SOX5: variants seen among roughly 807,000 people sequenced by gnomAD.
SOX5 encodes SRY-box transcription factor 5.
In SOX5, 9 loss-of-function variants were observed where a neutral mutation model predicts 92.0. That is an observed-to-expected ratio of 0.10 (90% confidence interval 0.06 to 0.17). The LOEUF (loss-of-function observed/expected upper bound fraction) is 0.17. SOX5 is among the 10% of genes least tolerant of loss of function. SOX5 has a pLI of 1.00. For missense variants in SOX5, 642 were observed against 944.5 expected (o/e 0.68, Z 4.20); for synonymous variants, 344 against 336.3 (o/e 1.02, Z -0.25).
chr12:24,561,189 C>T (rs1954304691), intron 1 of SOX5, among the ~76,000 whole-genome samples: 1 of 152,226 alleles, frequency 6.6e-6, no homozygotes, highest in Admixed American at 6.5e-5. Flanking sequence ...TTGACTGCCA[C>T]CCAGAGTGCC....
chr12:24,460,315 A>G (rs1235733213), intron 1 of SOX5, among the ~76,000 whole-genome samples: 1 of 152,216 alleles, frequency 6.6e-6, no homozygotes, highest in Non-Finnish European at 1.5e-5. Context: ...TGTGTAGAGT[A>G]AATCCTTAAC....
At position 23,586,079 on chromosome 12, in the gene SOX5, C is replaced by T. The variant is rs557752552; in HGVS notation, c.1165-10241G>A. On this transcript the variant is annotated intron_variant, in intron 9 of 14. Coordinates refer to ENST00000451604, the MANE Select transcript of SOX5 (RefSeq NM_006940.6). The stretch of plus-strand genomic sequence containing the variant: ...CATCCCCTTCCTCTGCATGAGGAAG[C>T]GCGCTCTCTCTCTCCCTCCTTTCTT... 3.3e-5 allele frequency among the ~76,000 whole-genome samples: 5 copies of T among 152,172 alleles called. No individual in the cohort carries two copies. In the South Asian group the frequency reaches 1.0e-3, roughly 32 times the overall value.
chr12:24,406,069 G>C (rs1382273824), intron 1 of SOX5, among the ~76,000 whole-genome samples: 1 of 152,128 alleles, frequency 6.6e-6, no homozygotes, highest in Non-Finnish European at 1.5e-5. Context: ...GGACAAGAGA[G>C]CTGGGCTAGG....
intron 4 of SOX5, among the ~76,000 whole-genome samples, chr12:24,054,930 C>T (rs115321452): frequency 2.4e-4 from 37 of 152,078 alleles, no homozygotes; most frequent in Middle Eastern, 3.4e-3. Flanking sequence ...GGGAGTGAGG[C>T]GCGTGGAAAC....
At chr12:23,712,211 C>A (rs2092118844) in intron 6 of SOX5, among the ~76,000 whole-genome samples, 1 of 152,164 alleles carries the variant, frequency 6.6e-6, no homozygotes, top group South Asian at 2.1e-4. Context: ...TGACTGAATT[C>A]ATCAAATATT....
At chr12:24,331,829 G>A (rs1217220792) in intron 2 of SOX5, among the ~76,000 whole-genome samples, 2 of 104,372 alleles carry the variant, frequency 1.9e-5, no homozygotes, top group African/African-American at 8.1e-5. Flanking sequence ...ACCAGCCTGG[G>A]AACAGAGCAA....
At position 23,837,268 on chromosome 12, in the gene SOX5, AT is replaced by A. The variant is rs1303247062; in HGVS notation, c.481+8714del. 8.7e-5 allele frequency among the ~76,000 whole-genome samples: 6 copies of A among 69,258 alleles called. 1 individual carries two copies. The highest frequency in any genetic ancestry group is 2.4e-4 in the African/African-American group (6 of 24,774). The allele number at this position is 69,258 out of a possible 152,430, so 45.4% of individuals were successfully genotyped here. ...ATATATATTTATATTTATATAATATATAATATGTATTTATATTTATATTTAT... is the reference window on the plus strand; with the variant it reads ...ATATATATTTATATTTATATAATATAAATATGTATTTATATTTATATTTAT... On this transcript the variant is annotated intron_variant, in intron 3 of 14. Coordinates refer to ENST00000451604, the MANE Select transcript of SOX5 (RefSeq NM_006940.6).
intron 1 of SOX5, among the ~76,000 whole-genome samples, chr12:23,930,916 G>A (rs1458949145): frequency 2.0e-5 from 3 of 151,654 alleles, no homozygotes; most frequent in African/African-American, 7.3e-5. Flanking sequence ...CACAGAACAG[G>A]ATTAGGACTC....
Position 23,533,307 on chromosome 12 carries a change from C to T in SOX5, c.*912G>A, listed in dbSNP as rs1392305230. The T allele has an allele frequency of 3.1e-6, 1 of 320,146 alleles. No homozygotes were observed. Among genetic ancestry groups the T allele is most frequent in the East Asian group, 9.2e-5 (1 of 10,890 alleles). The allele number at this position is 320,146 out of a possible 1,614,324, so 19.8% of individuals were successfully genotyped here. Reference sequence around the variant, plus strand: ...ATTTTTCTCTAAATTTCTTATGTCTCTCTCTCTCTCTCTCTTTTCACCTGA... The same window carrying T: ...ATTTTTCTCTAAATTTCTTATGTCTTTCTCTCTCTCTCTCTTTTCACCTGA... On this transcript the variant is annotated 3_prime_UTR_variant, in exon 15 of 15. Transcript: ENST00000451604.
At chr12:24,372,718 A>G (rs1192698722) in intron 1 of SOX5, among the ~76,000 whole-genome samples, 1 of 152,188 alleles carries the variant, frequency 6.6e-6, no homozygotes, top group African/African-American at 2.4e-5. Flanking sequence ...GTCTTCCACA[A>G]TGGCTAAACT....
chr12:23,789,309 T>A (rs2095431276), intron 3 of SOX5, among the ~76,000 whole-genome samples: 1 of 152,084 alleles, frequency 6.6e-6, no homozygotes, highest in East Asian at 1.9e-4. Context: ...ATTTTAATTC[T>A]GAGGGTAACA....
chr12:24,176,417 C>A (rs191677622), intron 4 of SOX5, among the ~76,000 whole-genome samples: 1 of 152,156 alleles, frequency 6.6e-6, no homozygotes, highest in Admixed American at 6.5e-5. Context: ...AAAGCACACA[C>A]ATTTAAGTTT....
intron 4 of SOX5, among the ~76,000 whole-genome samples, chr12:24,131,444 G>A (rs1046521130): frequency 3.9e-5 from 6 of 152,144 alleles, no homozygotes; most frequent in South Asian, 2.1e-4. Context: ...AATATAGTAC[G>A]GCATCTATCA....
intron 3 of SOX5, among the ~76,000 whole-genome samples, chr12:23,817,021 C>T (rs1407246725): frequency 6.6e-6 from 1 of 152,136 alleles, no homozygotes; most frequent in Non-Finnish European, 1.5e-5. Context: ...CTGAACATGT[C>T]ACTATTAATG....
At chr12:23,566,833 G>A (rs1234830766) in intron 10 of SOX5, among the ~76,000 whole-genome samples, 1 of 152,172 alleles carries the variant, frequency 6.6e-6, no homozygotes. Context: ...AGCAGAATTT[G>A]GAAATTGGAT....
At chr12:24,185,142 T>C (rs1955887264) in intron 4 of SOX5, among the ~76,000 whole-genome samples, 1 of 152,058 alleles carries the variant, frequency 6.6e-6, no homozygotes, top group South Asian at 2.1e-4. Flanking sequence ...TAGATATGGG[T>C]CTATCTATAC....
intron 6 of SOX5, among the ~76,000 whole-genome samples, chr12:23,681,950 G>A (rs2086693465): frequency 6.6e-6 from 1 of 151,360 alleles, no homozygotes; most frequent in Non-Finnish European, 1.5e-5. Flanking sequence ...AAAATTTAGA[G>A]AACTACAAGG....
At chr12:24,514,585 T>G (rs1295840415) in intron 1 of SOX5, among the ~76,000 whole-genome samples, 4 of 152,188 alleles carry the variant, frequency 2.6e-5, no homozygotes, top group Admixed American at 2.6e-4. Flanking sequence ...ATTGTTCTAT[T>G]ATAAAGACAC....
At chr12:24,558,408 C>A (rs1211779165) in intron 1 of SOX5, among the ~76,000 whole-genome samples, 1 of 151,962 alleles carries the variant, frequency 6.6e-6, no homozygotes, top group Non-Finnish European at 1.5e-5. Context: ...TACCTTTGAC[C>A]CTGACTCAAT....
Sources: gnomAD v4.1 joint callset for allele counts (sites outside exome capture counted in the v4.1 genomes callset) on GRCh38, gnomAD v4.1.1 for gene constraint, MANE v1.5 for transcripts, NCBI Gene and HGNC (gene_info 2026-07-23, HGNC 2026-07-21) for gene names.